CYTH4: variants seen among roughly 807,000 people sequenced by gnomAD.
CYTH4 encodes the protein cytohesin-4.
CYTH4 carries 22 observed loss-of-function variants against 57.5 expected under a neutral mutation model. That is an observed-to-expected ratio of 0.38 (90% confidence interval 0.27 to 0.55). The LOEUF (loss-of-function observed/expected upper bound fraction) is 0.55, where lower values mean the gene tolerates loss of function less well. CYTH4 is among the 20% of genes least tolerant of loss of function. The probability of loss-of-function intolerance (pLI) is 0.74; values close to 1 mark genes in which losing one functional copy is unlikely to be tolerated. For synonymous variants in CYTH4, 186 were observed against 206.5 expected (o/e 0.90, Z 0.85); for missense variants, 420 against 535.6 (o/e 0.78, Z 2.13).
At chr22:37,313,236 G>A (rs141904055) in intron 12 of CYTH4, among the ~76,000 whole-genome samples, 33 of 152,342 alleles carry the variant, frequency 2.2e-4, no homozygotes, top group African/African-American at 7.0e-4. Flanking sequence ...ACCCACTCTG[G>A]CCCTGCCCAT....
In CYTH4 at chr22:37,295,034, G is replaced by T. The variant is rs573128140; in HGVS notation, c.167+310G>T. 6.6e-6 allele frequency among the ~76,000 whole-genome samples: 1 copy of T among 151,902 alleles called. No individual in the cohort carries two copies. The highest frequency in any genetic ancestry group is 1.5e-5 in the Non-Finnish European group (1 of 67,960). On this transcript the variant is annotated intron_variant, in intron 3 of 12. Transcript: ENST00000248901. The surrounding 1 kb of genome is among the most constrained non-coding windows in gnomAD (Gnocchi z 4.1). ...TGGCCACATCCACCCTGGGATGGGC[G>T]GGGAGAAGGGAAGCTCAGCCCCAAG... is the stretch of plus-strand genomic sequence containing the variant.
rs1280719697 is a variant in CYTH4, at chr22:37,295,903, G to A, written c.168-96G>A. The A allele has an allele frequency of 1.5e-6, 2 of 1,312,546 alleles. No homozygotes were observed. Among genetic ancestry groups the A allele is most frequent in the South Asian group, 1.3e-5 (1 of 79,486 alleles). The allele number at this position is 1,312,546 out of a possible 1,614,324, so 81.3% of individuals were successfully genotyped here. On this transcript the variant is annotated intron_variant, in intron 3 of 12. Coordinates refer to ENST00000248901, the MANE Select transcript of CYTH4 (RefSeq NM_013385.5). This position sits in a 1 kb window ranked among gnomAD's most constrained non-coding sequence, Gnocchi z 4.1. ...GAGGCCACACTTGGAGGGCCCTAGA[G>A]GGGTATGGGCTCCTGCTGAGGCAAG...
In CYTH4 at chr22:37,294,698, C is replaced by A. The variant is rs375707170; in HGVS notation, c.141C>A (p.Ile47=). The change falls in exon 3 of 13, where the codon ATC becomes ATA. Residue 47 remains isoleucine (I), a synonymous_variant. Coordinates refer to ENST00000248901, the MANE Select transcript of CYTH4 (RefSeq NM_013385.5). Reference sequence around the variant, plus strand: ...AGATTGCAGATGTGTTTGCCCAAATCGACTGCTTCGAGAGTGCGGAGGAGA... The same window carrying A: ...AGATTGCAGATGTGTTTGCCCAAATAGACTGCTTCGAGAGTGCGGAGGAGA... ...KDEIADVFAQ[I]DCFESAEESR... is the part of the protein sequence containing the mutation. The A allele has an allele frequency of 6.2e-7, 1 of 1,613,700 alleles. No individual in the cohort carries two copies. The highest frequency in any genetic ancestry group is 1.3e-5 in the African/African-American group (1 of 74,878).
At chr22:37,301,099 T>C in intron 7 of CYTH4, 80 bp downstream of exon 7, 1 of 1,288,204 alleles carries the variant, frequency 7.8e-7, no homozygotes, top group Non-Finnish European at 1.1e-6. Flanking sequence ...CCCCCTCAGG[T>C]TTCCCCCAGG....
In CYTH4 at chr22:37,282,587, A is replaced by G; in HGVS notation, c.18A>G (p.Pro6=). ...GCGTCGGAATGGACCTGTGCCACCC[A>G]GGTAAGCAACTGCCGTCAACCTCTC... is the stretch of plus-strand genomic sequence containing the variant. MDLCH[P]EPAELSSGET... is the part of the protein sequence containing the mutation. The change falls in exon 1 of 13, where the codon CCA becomes CCG. Residue 6 remains proline (P), a splice_region_variant and synonymous_variant. Transcript: ENST00000248901. The G allele has an allele frequency of 6.2e-7, 1 of 1,612,512 alleles. No individual in the cohort carries two copies. The highest frequency in any genetic ancestry group is 8.5e-7 in the Non-Finnish European group (1 of 1,179,324).
chr22:37,296,438 G>A (rs1928972043), intron 4 of CYTH4: 1 of 234,392 alleles, frequency 4.3e-6, no homozygotes, highest in South Asian at 5.4e-5. Flanking sequence ...GCTCAGGGAG[G>A]GCCAGTCCTG....
rs1929659417 is a variant in CYTH4 at position 37,311,991 on chromosome 22, C to T, written c.958-29C>T. On this transcript the variant is annotated intron_variant, in intron 11 of 12. Transcript: ENST00000248901. This position sits in a 1 kb window ranked among gnomAD's most constrained non-coding sequence, Gnocchi z 4.4. ...AGGGCCCACCCAGCCTCCCTCTCTT[C>T]CCACCCTTGCCTGGCCACCTCCCCA... The T allele has an allele frequency of 6.2e-7, 1 of 1,604,140 alleles. No homozygotes were observed. Among genetic ancestry groups the T allele is most frequent in the Admixed American group, 1.7e-5 (1 of 59,724 alleles).
At chr22:37,292,415 G>A in intron 1 of CYTH4, 1 of 562,006 alleles carries the variant, frequency 1.8e-6, no homozygotes, top group South Asian at 2.3e-5. Context: ...CTATCCAGGG[G>A]GGTGGGAGAA....
Position 37,311,758 on chromosome 22 carries a change from G to A in CYTH4, c.957+231G>A. ...CCCTGTTGTCCCACACAGCCCGACT[G>A]GCTGGATGGCCCCGAGTAAGCTCCA... On this transcript the variant is annotated intron_variant, in intron 11 of 12. Transcript: ENST00000248901. The surrounding 1 kb of genome is among the most constrained non-coding windows in gnomAD (Gnocchi z 4.4). 1 of 650,668 alleles carries A rather than the reference G, an allele frequency of 1.5e-6. No homozygotes were observed. Among genetic ancestry groups the A allele is most frequent in the South Asian group, 1.9e-5 (1 of 51,908 alleles). The allele number at this position is 650,668 out of a possible 1,614,324, so 40.3% of individuals were successfully genotyped here. A position where few individuals can be genotyped will look rare whatever the true frequency, so the allele number is the denominator to read the frequency against.
chr22:37,290,319 G>T (rs1312895122), intron 1 of CYTH4, among the ~76,000 whole-genome samples: 1 of 152,188 alleles, frequency 6.6e-6, no homozygotes, highest in Non-Finnish European at 1.5e-5. Context: ...CCAGTGTACA[G>T]TTGTTGGAGT....
chr22:37,310,158 A>G (rs1049532929), intron 9 of CYTH4: 16 of 355,296 alleles, frequency 4.5e-5, no homozygotes, highest in Non-Finnish European at 2.4e-5. Flanking sequence ...CCAGGAGCCC[A>G]TGAGCCCTCT....
chr22:37,299,210 C>G lies in CYTH4; in HGVS notation c.354-16C>G. ...ATCCAAGTGTGTCCCACCCTCCCTT[C>G]CGCCTCCTCCCCCAGGGATCCCATC... On this transcript the variant is annotated splice_polypyrimidine_tract_variant and intron_variant, in intron 5 of 12. Transcript: ENST00000248901. 3.3e-6 allele frequency: 5 copies of G among 1,495,620 alleles called. No homozygotes were observed. The highest frequency in any genetic ancestry group is 2.8e-5 in the African/African-American group (2 of 72,526). 92.6% of individuals were successfully genotyped at this position (1,495,620 alleles called of 1,614,324 possible).
intron 1 of CYTH4, among the ~76,000 whole-genome samples, chr22:37,288,773 T>G (rs1197553168): frequency 6.6e-6 from 1 of 152,190 alleles, no homozygotes. Context: ...GGATATCACC[T>G]CCAGGCTGAC....
intron 1 of CYTH4, among the ~76,000 whole-genome samples, chr22:37,282,957 G>A (rs1048392831): frequency 2.0e-5 from 3 of 152,204 alleles, no homozygotes; most frequent in South Asian, 2.1e-4. Flanking sequence ...TGTCTGATGA[G>A]GGACCTGAGG....
chr22:37,294,018 G>T lies in CYTH4; in HGVS notation c.103-642G>T, dbSNP rs372357343. The stretch of plus-strand genomic sequence containing the variant: ...GGCACATAGCGGGCACTTAGTCAAG[G>T]GTGAGCAACATAGTAAATGGAGGAA... On this transcript the variant is annotated intron_variant, in intron 2 of 12. Transcript: ENST00000248901. 1.2e-4 allele frequency among the ~76,000 whole-genome samples: 18 copies of T among 151,652 alleles called. No homozygotes were observed. The East Asian group carries it at 3.5e-3, about 29-fold the overall frequency.
At chr22:37,284,338 G>A (rs1038214995) in intron 1 of CYTH4, among the ~76,000 whole-genome samples, 4 of 152,260 alleles carry the variant, frequency 2.6e-5, no homozygotes, top group Non-Finnish European at 5.9e-5. Context: ...TGGAATGTTG[G>A]GGGTGGGGTG....
At chr22:37,310,653 T>G (rs1030848220) in intron 9 of CYTH4, among the ~76,000 whole-genome samples, 12 of 152,222 alleles carry the variant, frequency 7.9e-5, no homozygotes, top group African/African-American at 2.9e-4. Flanking sequence ...TGCTTAGCAT[T>G]GTGCCAGGCA....
At chr22:37,283,761 T>C (rs564210573) in intron 1 of CYTH4, among the ~76,000 whole-genome samples, 3 of 152,058 alleles carry the variant, frequency 2.0e-5, no homozygotes, top group Non-Finnish European at 2.9e-5. Context: ...CCCATGGGCT[T>C]TGGGGGCTCC....
intron 7 of CYTH4, chr22:37,301,861 C>T (rs1393353837): frequency 6.4e-6 from 1 of 155,224 alleles, no homozygotes; most frequent in South Asian, 2.1e-4. Flanking sequence ...CCATGCCTGG[C>T]TAATTTTTTG....
Sources: gnomAD v4.1 joint callset for allele counts (sites outside exome capture counted in the v4.1 genomes callset) on GRCh38, gnomAD v4.1.1 for gene constraint, Gnocchi (gnomAD v3.1) non-coding constraint, MANE v1.5 for transcripts, NCBI Gene and HGNC (gene_info 2026-07-23, HGNC 2026-07-21) for gene names.